Variants in EP300 observed in about 807,000 individuals in gnomAD.
The protein encoded by EP300 is EP300 lysine acetyltransferase.
A neutral mutation model predicts 264.0 loss-of-function variants in EP300; 31 were observed. That is an observed-to-expected ratio of 0.12 (90% confidence interval 0.09 to 0.16). EP300 has a LOEUF of 0.16. Among genes scored for constraint, EP300 ranks in the 10% least tolerant of loss-of-function variants. The pLI is 1.00. For synonymous variants in EP300, 1,340 were observed against 1,045.4 expected, an observed-to-expected ratio of 1.28 and a Z score of -5.44; for missense variants, 2,766 against 3,052.9, an observed-to-expected ratio of 0.91 and a Z score of 2.21.
At chr22:41,130,052 C>A (rs2145713913) in intron 5 of EP300, 49 bp downstream of exon 5, 1 of 1,363,452 alleles carries the variant, frequency 7.3e-7, no homozygotes. Context: ...TTTAAAGTCT[C>A]ACCAGTGCCA....
chr22:41,117,496 A>C lies in EP300; in HGVS notation c.404A>C (p.Asn135Thr). 6.2e-7 allele frequency: 1 copy of C among 1,613,636 alleles called. No individual in the cohort carries two copies. Among genetic ancestry groups the C allele is most frequent in the East Asian group, 2.2e-5 (1 of 44,878 alleles). Reference sequence around the variant, plus strand: ...ACACAGGCAGGCTTGACTTCTCCCAACATGGGGATGGGCACTAGTGGACCA... The same window carrying C: ...ACACAGGCAGGCTTGACTTCTCCCACCATGGGGATGGGCACTAGTGGACCA... The part of the protein sequence containing the change: ...PMTQAGLTSP[N>T]MGMGTSGPNQ... Residue 135 changes from asparagine (N) to threonine (T), a missense_variant, in exon 2 of 31, where the codon AAC (asparagine) becomes ACC (threonine). Coordinates refer to ENST00000263253, the MANE Select transcript of EP300 (RefSeq NM_001429.4).
At position 41,178,883 on chromosome 22, in the gene EP300, C is replaced by T. The variant is rs139279818; in HGVS notation, c.7172C>T (p.Thr2391Met). Residue 2391 changes from threonine to methionine, a missense_variant, in exon 31 of 31, where the codon ACG (threonine) becomes ATG (methionine). Transcript: ENST00000263253. ...GCAAACCTCCATGGTGCAAGCGCCA[C>T]GGACCTGGGACTCAGCACCGATAAC... Reference protein sequence around the residue: ...GMANLHGASATDLGLSTDNSD... With the variant: ...GMANLHGASAMDLGLSTDNSD... 2.0e-5 allele frequency: 33 copies of T among 1,614,070 alleles called. No homozygotes were observed. The highest frequency in any genetic ancestry group is 1.6e-4 in the East Asian group (7 of 44,896).
Position 41,092,811 on chromosome 22 carries a change from A to T in EP300, c.-194A>T. 3 of 680,590 alleles carry T rather than the reference A, an allele frequency of 4.4e-6. No homozygotes were observed. Among genetic ancestry groups the T allele is most frequent in the Admixed American group, 4.8e-5 (2 of 41,264 alleles). The allele number at this position is 680,590 out of a possible 1,614,324, so 42.2% of individuals were successfully genotyped here. On this transcript the variant is annotated 5_prime_UTR_variant, in exon 1 of 31. Transcript: ENST00000263253. ...GGCCCGGCCCCTCGCACTTGCCCTT[A>T]CCTTTTCTATCGAGTCCGCATCCCT...
At chr22:41,166,560 T>C (rs1182121301) in intron 22 of EP300, 39 bp from the exon 23 acceptor site, 4 of 1,531,118 alleles carry the variant, frequency 2.6e-6, no homozygotes, top group Non-Finnish European at 3.6e-6. Flanking sequence ...TTCAACGGTT[T>C]ATCTAAGTTG....
At chr22:41,152,466 C>G (rs1313515802) in intron 16 of EP300, 116 bp downstream of exon 16, 1 of 1,204,160 alleles carries the variant, frequency 8.3e-7, no homozygotes, top group Non-Finnish European at 1.2e-6. Context: ...TTTCATTAAC[C>G]TGGAAGCCCT....
chr22:41,136,051 C>T (rs983236342), intron 7 of EP300, 145 bp downstream of exon 7: 6 of 722,046 alleles, frequency 8.3e-6, no homozygotes, highest in African/African-American at 1.7e-5. Flanking sequence ...TTTCTTTTTT[C>T]GCTCTGTAGC....
rs142436812 is a variant in EP300 at position 41,112,343 on chromosome 22, C to T, written c.95-4844C>T. Among the ~76,000 whole-genome samples, 52 of 152,176 alleles carry T rather than the reference C, an allele frequency of 3.4e-4. 2 individuals are homozygous for T. In the East Asian group the frequency reaches 9.8e-3, roughly 29 times the overall value. On this transcript the variant is annotated intron_variant, in intron 1 of 30. Transcript: ENST00000263253. ...TAGCTGGGACTACAGGCGCCTGCCA[C>T]CACACCCAGCTAATTTTTTGTTTTG... is the stretch of plus-strand genomic sequence containing the variant.
chr22:41,170,392 C>G lies in EP300; in HGVS notation c.4287-14C>G, dbSNP rs1350246881. 2 of 1,611,128 alleles carry G rather than the reference C, an allele frequency of 1.2e-6. No individual in the cohort carries two copies. On this transcript the variant is annotated splice_polypyrimidine_tract_variant and intron_variant, in intron 26 of 30. Coordinates refer to ENST00000263253, the MANE Select transcript of EP300 (RefSeq NM_001429.4). Reference sequence around the variant, plus strand: ...ATCTCTTTTCCTTAATGTTCTTTCTCTTTGTATTGTTAGTTACACAACAGG... The same window carrying G: ...ATCTCTTTTCCTTAATGTTCTTTCTGTTTGTATTGTTAGTTACACAACAGG...
At chr22:41,127,781 A>T in intron 4 of EP300, 33 bp downstream of exon 4, 1 of 1,613,476 alleles carries the variant, frequency 6.2e-7, no homozygotes, top group Middle Eastern at 1.8e-4. Context: ...TGTACTTAGC[A>T]ATTTTTACAG....
At chr22:41,152,491 C>T (rs2059052381) in intron 16 of EP300, 141 bp downstream of exon 16, 2 of 829,056 alleles carry the variant, frequency 2.4e-6, no homozygotes, top group Non-Finnish European at 3.8e-6. Context: ...CTGGTCTCTT[C>T]ATTGTTACTA....
chr22:41,147,754 A>G, intron 11 of EP300, 83 bp from the exon 12 acceptor site: 1 of 1,024,968 alleles, frequency 9.8e-7, no homozygotes, highest in East Asian at 2.5e-5. Flanking sequence ...AAAAAAAGAT[A>G]CAGAATCAGA....
intron 18 of EP300, among the ~76,000 whole-genome samples, chr22:41,157,625 C>T (rs2059084753): frequency 6.8e-6 from 1 of 148,028 alleles, no homozygotes; most frequent in African/African-American, 2.5e-5. Flanking sequence ...TCAAGCAATT[C>T]TCCCACCTCA....
chr22:41,158,347 C>A (rs2145749235), intron 18 of EP300, 65 bp from the exon 19 acceptor site: 1 of 1,316,814 alleles, frequency 7.6e-7, no homozygotes, highest in Non-Finnish European at 1.1e-6. Flanking sequence ...TCTGACTTGC[C>A]ATTCTTACTG....
chr22:41,170,651 A>C, intron 27 of EP300, 80 bp downstream of exon 27: 2 of 975,870 alleles, frequency 2.0e-6, no homozygotes, highest in Non-Finnish European at 2.9e-6. Flanking sequence ...TCTGTCATTT[A>C]ACTTTTTTTT....
At chr22:41,108,710 A>G (rs1161857489) in intron 1 of EP300, among the ~76,000 whole-genome samples, 1 of 152,256 alleles carries the variant, frequency 6.6e-6, no homozygotes, top group Non-Finnish European at 1.5e-5. Flanking sequence ...GTATTGGAGC[A>G]TCATTAAAGG....
intron 1 of EP300, among the ~76,000 whole-genome samples, chr22:41,105,441 C>T (rs2058753652): frequency 6.6e-6 from 1 of 151,682 alleles, no homozygotes; most frequent in Non-Finnish European, 1.5e-5. Flanking sequence ...CTCTGTCATC[C>T]AGGCTGGAGT....
In EP300 at chr22:41,137,682, C is replaced by T. The variant is rs2058959745; in HGVS notation, c.1652C>T (p.Pro551Leu). Residue 551 changes from proline to leucine, a missense_variant, in exon 8 of 31, where the codon CCC becomes CTC. By Grantham distance (98) the Pro-to-Leu change is moderately conservative (BLOSUM62 -3). Transcript: ENST00000263253. ...ATGATGAGTGAAAATGCCAGTGTGCCCTCCCTGGGTCCTATGCCAACAGCA... is the reference window on the plus strand; with the variant it reads ...ATGATGAGTGAAAATGCCAGTGTGCTCTCCCTGGGTCCTATGCCAACAGCA... ...NPMMSENASV[P>L]SLGPMPTAAQ... The T allele has an allele frequency of 6.2e-7, 1 of 1,613,982 alleles. No homozygotes were observed. The highest frequency in any genetic ancestry group is 1.1e-5 in the South Asian group (1 of 91,076).
At chr22:41,106,372 T>C (rs2058758110) in intron 1 of EP300, among the ~76,000 whole-genome samples, 1 of 152,208 alleles carries the variant, frequency 6.6e-6, no homozygotes, top group African/African-American at 2.4e-5. Context: ...CATTCTTTTT[T>C]TGTTTCATTT....
At chr22:41,154,045 G>A (rs1312631190) in intron 16 of EP300, among the ~76,000 whole-genome samples, 1 of 152,054 alleles carries the variant, frequency 6.6e-6, no homozygotes, top group African/African-American at 2.4e-5. Flanking sequence ...AAATTTTTCC[G>A]GACTTTTTGG....
Sources: allele counts gnomAD v4.1 joint callset (sites outside exome capture counted in the v4.1 genomes callset), GRCh38; gene constraint gnomAD v4.1.1; transcripts MANE v1.5; gene names NCBI Gene and HGNC (gene_info 2026-07-23, HGNC 2026-07-21).